The following TMEM131L variants were observed in gnomAD, a reference collection of about 807,000 sequenced individuals.
TMEM131L encodes transmembrane protein 131-like.
In TMEM131L, 54 loss-of-function variants were observed where a neutral mutation model predicts 192.2. The ratio of observed to expected loss-of-function variants is 0.28; its 90% confidence interval spans 0.23 to 0.35. The LOEUF is 0.35. Among genes scored for constraint, TMEM131L ranks in the 10% least tolerant of loss-of-function variants. The pLI is 1.00. For synonymous variants in TMEM131L, 701 were observed against 704.9 expected (o/e 0.99, Z 0.09); for missense variants, 1,888 against 1,972.9 (o/e 0.96, Z 0.82).
chr4:153,574,851 G>T (rs921587455), intron 7 of TMEM131L, among the ~76,000 whole-genome samples: 4 of 152,312 alleles, frequency 2.6e-5, no homozygotes, highest in Middle Eastern at 3.4e-3. Context: ...GCCTCCCAAA[G>T]TGCCGAGATT....
chr4:153,567,376 T>C (rs1422774950), intron 7 of TMEM131L, among the ~76,000 whole-genome samples: 1 of 152,224 alleles, frequency 6.6e-6, no homozygotes, highest in African/African-American at 2.4e-5. Context: ...AGTAACATTT[T>C]GTTGTAGTTT....
chr4:153,616,448 G>A (rs977078984), intron 26 of TMEM131L, among the ~76,000 whole-genome samples: 1 of 152,132 alleles, frequency 6.6e-6, no homozygotes. Flanking sequence ...GCCTAATTTT[G>A]CAGCTTACAA....
chr4:153,564,447 C>T (rs1405471220), intron 7 of TMEM131L, among the ~76,000 whole-genome samples: 1 of 152,034 alleles, frequency 6.6e-6, no homozygotes, highest in African/African-American at 2.4e-5. Context: ...GAACTGTGAG[C>T]AATAAATTTC....
At position 153,630,853 on chromosome 4, in the gene TMEM131L, G is replaced by A. The variant is rs537680523; in HGVS notation, c.4208-1865G>A. On this transcript the variant is annotated intron_variant, in intron 31 of 34. Coordinates refer to ENST00000409959, the MANE Select transcript of TMEM131L (RefSeq NM_001131007.2). ...ATCAGTATCTTGATTCCAGCTGGCC[G>A]CAGTGGAGAACATACCCTTACCAAG... Among the ~76,000 whole-genome samples, 5 of 152,284 alleles carry A rather than the reference G, an allele frequency of 3.3e-5. No homozygotes were observed. In the East Asian group the frequency reaches 7.7e-4, roughly 23 times the overall value.
rs530923076 is a variant in TMEM131L, at chr4:153,580,494, C to T, written c.661-332C>T. On this transcript the variant is annotated intron_variant, in intron 7 of 34. Transcript: ENST00000409959. ...GTGTTTAAATAACATTTTCAACAAA[C>T]ATCAGAAACACCAAACTCCAGTGTT... is the stretch of plus-strand genomic sequence containing the variant. 4.6e-5 allele frequency among the ~76,000 whole-genome samples: 7 copies of T among 152,256 alleles called. No homozygotes were observed. The South Asian group carries it at 1.2e-3, about 27-fold the overall frequency.
intron 13 of TMEM131L, 81 bp downstream of exon 13, chr4:153,585,692 AAAT>A: frequency 1.2e-6 from 1 of 830,124 alleles, no homozygotes; most frequent in East Asian, 3.2e-5. Context: ...TATTTCTATA[AAAT>A]AATAAAAAAT....
At chr4:153,559,237 T>C (rs1728692918) in intron 7 of TMEM131L, among the ~76,000 whole-genome samples, 1 of 152,222 alleles carries the variant, frequency 6.6e-6, no homozygotes, top group Admixed American at 6.5e-5. Context: ...ATATCTGGAA[T>C]CTTTATCACC....
chr4:153,607,042 CAA>C (rs1732288859), intron 25 of TMEM131L, among the ~76,000 whole-genome samples: 3 of 152,074 alleles, frequency 2.0e-5, no homozygotes, highest in Admixed American at 1.3e-4. Flanking sequence ...TATCCATGTA[CAA>C]TTTAAAATTG....
At chr4:153,610,550 T>A (rs1177976122) in intron 25 of TMEM131L, among the ~76,000 whole-genome samples, 2 of 152,244 alleles carry the variant, frequency 1.3e-5, no homozygotes, top group African/African-American at 4.8e-5. Context: ...AAGCCTGCAT[T>A]ACTTTACAAG....
chr4:153,550,387 C>T (rs962479283), intron 4 of TMEM131L, among the ~76,000 whole-genome samples: 2 of 152,244 alleles, frequency 1.3e-5, no homozygotes, highest in East Asian at 1.9e-4. Flanking sequence ...AGTGCAGTGG[C>T]GTGATCTCTG....
rs146629185 is a variant in TMEM131L at position 153,511,576 on chromosome 4, C to T, written c.239+37688C>T. ...ATCTGTATATCGAACCCCCATGACA[C>T]GAGTCTCCCTATATAACAAACCTGC... On this transcript the variant is annotated intron_variant, in intron 3 of 34. Transcript: ENST00000409959. 5.1e-3 allele frequency among the ~76,000 whole-genome samples: 774 copies of T among 152,188 alleles called. 11 individuals carry two copies. Among genetic ancestry groups the T allele is most frequent in the African/African-American group, 0.017 (715 of 41,536 alleles).
At chr4:153,533,363 G>A (rs557523797) in intron 3 of TMEM131L, among the ~76,000 whole-genome samples, 2 of 152,248 alleles carry the variant, frequency 1.3e-5, no homozygotes, top group Non-Finnish European at 2.9e-5. Context: ...GGAGTGGGGC[G>A]CACATCTGCA....
rs558164274 is a variant in TMEM131L at position 153,542,362 on chromosome 4, C to T, written c.240-7711C>T. Reference sequence around the variant, plus strand: ...GCCAAGTCAGCTCGGTACTTGATTTCGCAGGCTGTGATCATTTATGACCTC... The same window carrying T: ...GCCAAGTCAGCTCGGTACTTGATTTTGCAGGCTGTGATCATTTATGACCTC... On this transcript the variant is annotated intron_variant, in intron 3 of 34. Coordinates refer to ENST00000409959, the MANE Select transcript of TMEM131L (RefSeq NM_001131007.2). Among the ~76,000 whole-genome samples the T allele has an allele frequency of 1.9e-3, 285 of 151,306 alleles. 2 individuals are homozygous for T. Among genetic ancestry groups the T allele is most frequent in the Middle Eastern group, 3.4e-3 (1 of 294 alleles).
At chr4:153,504,437 GC>G (rs1307576860) in intron 3 of TMEM131L, among the ~76,000 whole-genome samples, 1 of 150,632 alleles carries the variant, frequency 6.6e-6, no homozygotes, top group Admixed American at 6.6e-5. Flanking sequence ...GCACTACCAC[GC>G]CCGGCTAATT....
At chr4:153,548,895 A>G (rs1016434580) in intron 3 of TMEM131L, among the ~76,000 whole-genome samples, 9 of 152,184 alleles carry the variant, frequency 5.9e-5, no homozygotes, top group Admixed American at 4.6e-4. Flanking sequence ...TTCCTGGACC[A>G]GCCTTTGAAC....
In TMEM131L at chr4:153,580,875, T is replaced by A; in HGVS notation, c.710T>A (p.Leu237Ter). The change falls in exon 8 of 35, where the codon TTA becomes TAA. Residue 237 changes from leucine (L) to a stop codon, truncating the protein, a stop_gained. Coordinates refer to ENST00000409959, the MANE Select transcript of TMEM131L (RefSeq NM_001131007.2). LOFTEE classifies it high-confidence loss of function. ...SLLQVQLECS[L>*]HNKVCQQLKG... is the part of the protein sequence containing the mutation. ...TTGCAGGTGCAACTGGAATGCAGTTTACATAATAAAGTGTGTCAGCAATTA... is the reference window on the plus strand; with the variant it reads ...TTGCAGGTGCAACTGGAATGCAGTTAACATAATAAAGTGTGTCAGCAATTA... 6.2e-7 allele frequency: 1 copy of A among 1,611,676 alleles called. No homozygotes were observed. Among genetic ancestry groups the A allele is most frequent in the Non-Finnish European group, 8.5e-7 (1 of 1,177,774 alleles).
chr4:153,470,454 T>C (rs1022685826), intron 2 of TMEM131L, among the ~76,000 whole-genome samples: 3 of 150,352 alleles, frequency 2.0e-5, no homozygotes, highest in Admixed American at 6.6e-5. Context: ...CTTTTTGTTA[T>C]ATACTCTCAT....
chr4:153,534,802 TAGAG>T (rs1348537806), intron 3 of TMEM131L, among the ~76,000 whole-genome samples: 4 of 152,184 alleles, frequency 2.6e-5, no homozygotes, highest in Non-Finnish European at 5.9e-5. Context: ...ATGTTCCAGA[TAGAG>T]AGAACAGCCA....
At chr4:153,481,530 C>T (rs1228732382) in intron 3 of TMEM131L, among the ~76,000 whole-genome samples, 1 of 152,070 alleles carries the variant, frequency 6.6e-6, no homozygotes, top group Non-Finnish European at 1.5e-5. Context: ...AGGCTGTATT[C>T]TTTTATTTTT....
Sources: gnomAD v4.1 joint callset for allele counts (sites outside exome capture counted in the v4.1 genomes callset) on GRCh38, gnomAD v4.1.1 for gene constraint, MANE v1.5 for transcripts, NCBI Gene and HGNC (gene_info 2026-07-23, HGNC 2026-07-21) for gene names.